Variants in FRMPD2 observed in about 807,000 individuals in gnomAD.
The protein encoded by FRMPD2 is FERM and PDZ domain containing 2, also known as FERM and PDZ domain-containing protein 2.
A neutral mutation model predicts 140.1 loss-of-function variants in FRMPD2; 96 were observed. The observed-to-expected ratio is 0.69, with a 90% CI of 0.58 to 0.81. The LOEUF is 0.81. Among genes scored for constraint, FRMPD2 ranks in the 40% least tolerant of loss-of-function variants. FRMPD2 has a pLI of 0.00. For synonymous variants in FRMPD2, 449 were observed against 547.6 expected, an observed-to-expected ratio of 0.82 and a Z score of 2.52; for missense variants, 1,240 against 1,447.4, an observed-to-expected ratio of 0.86 and a Z score of 2.32.
At chr10:48,259,245 G>A (rs1288919523) in intron 1 of FRMPD2, among the ~76,000 whole-genome samples, 2 of 152,136 alleles carry the variant, frequency 1.3e-5, no homozygotes, top group Non-Finnish European at 2.9e-5. Flanking sequence ...ATAAACTTCT[G>A]TGATTCACAC....
At chr10:48,263,168 T>A (rs902359152) in intron 1 of FRMPD2, among the ~76,000 whole-genome samples, 2 of 151,972 alleles carry the variant, frequency 1.3e-5, no homozygotes, top group Non-Finnish European at 2.9e-5. Flanking sequence ...ATGAAGGAAG[T>A]ACTTATACAG....
intron 12 of FRMPD2, among the ~76,000 whole-genome samples, chr10:48,213,759 A>T (rs1349995821): frequency 1.3e-5 from 2 of 152,222 alleles, no homozygotes; most frequent in Non-Finnish European, 2.9e-5. Context: ...TAACTATATG[A>T]TATTCTGGAA....
chr10:48,241,348 T>C (rs1205003839), intron 5 of FRMPD2, among the ~76,000 whole-genome samples: 1 of 152,232 alleles, frequency 6.6e-6, no homozygotes, highest in Admixed American at 6.5e-5. Flanking sequence ...TACCTGTCTC[T>C]GGTTCCTCCC....
intron 10 of FRMPD2, among the ~76,000 whole-genome samples, chr10:48,230,258 A>G (rs1409202443): frequency 6.6e-6 from 1 of 152,152 alleles, no homozygotes; most frequent in African/African-American, 2.4e-5. Context: ...ATCCATAAGC[A>G]TTCTTATTTT....
intron 1 of FRMPD2, among the ~76,000 whole-genome samples, chr10:48,253,364 A>C (rs1413637752): frequency 1.3e-5 from 2 of 152,228 alleles, no homozygotes; most frequent in Admixed American, 6.5e-5. Flanking sequence ...GGAAAATGGG[A>C]GAAAATATTT....
In FRMPD2 at chr10:48,240,398, G is replaced by C. The variant is rs759854013; in HGVS notation, c.662C>G (p.Pro221Arg). ...KRLRGTSSES[P>R]AAQAPECLHP... Reference sequence around the variant, plus strand: ...CAGACACTCCGGGGCCTGTGCCGCTGGGCTCTCGCTGCTTGTCCCACGCAG... The same window carrying C: ...CAGACACTCCGGGGCCTGTGCCGCTCGGCTCTCGCTGCTTGTCCCACGCAG... The change falls in exon 6 of 29, where the codon CCA (proline) becomes CGA (arginine). Residue 221 changes from proline (P) to arginine (R), a missense_variant. Physicochemically the swap from Pro to Arg is moderately radical, Grantham distance 103. Coordinates refer to ENST00000374201, the MANE Select transcript of FRMPD2 (RefSeq NM_001018071.4). 3.1e-6 allele frequency: 5 copies of C among 1,613,220 alleles called. No individual in the cohort carries two copies. The Admixed American group carries it at 8.3e-5, about 27-fold the overall frequency.
At position 48,270,717 on chromosome 10, in the gene FRMPD2, C is replaced by T. The variant is rs73298366; in HGVS notation, c.25+3826G>A. Among the ~76,000 whole-genome samples, 873 of 152,126 alleles carry T rather than the reference C, an allele frequency of 5.7e-3. 12 individuals carry two copies. The highest frequency in any genetic ancestry group is 0.018 in the African/African-American group (752 of 41,460). On this transcript the variant is annotated intron_variant, in intron 1 of 28. Transcript: ENST00000374201. The stretch of plus-strand genomic sequence containing the variant: ...ACCTTCCCCCCACCTCCTCCTCTTT[C>T]AACCTCTCTTATTTGAATACAGCAA...
intron 4 of FRMPD2, among the ~76,000 whole-genome samples, chr10:48,243,195 T>C (rs1840167390): frequency 1.3e-5 from 2 of 152,042 alleles, no homozygotes; most frequent in South Asian, 2.1e-4. Context: ...AGGAAAATAA[T>C]GGTGTGATGA....
chr10:48,238,989 C>T (rs1055614647), intron 7 of FRMPD2, among the ~76,000 whole-genome samples: 2 of 152,164 alleles, frequency 1.3e-5, no homozygotes, highest in Non-Finnish European at 2.9e-5. Flanking sequence ...TCCTCTCTCT[C>T]CTCTTTCTCT....
Position 48,239,640 on chromosome 10 carries a change from G to C in FRMPD2, c.753C>G (p.Thr251=), listed in dbSNP as rs551338963. ...GGAGGCTGCAGTGACTGTGTGTCAA[G>C]GTGCTCCAATGGGGCTCTGGTGAGC... ...TQSSPEPHWS[T]LTHSHCSLLV... is the part of the protein sequence containing the mutation. The change falls in exon 7 of 29, where the codon ACC becomes ACG. Residue 251 remains threonine (T), a synonymous_variant. Coordinates refer to ENST00000374201, the MANE Select transcript of FRMPD2 (RefSeq NM_001018071.4). 6.8e-6 allele frequency: 11 copies of C among 1,614,158 alleles called. No individual in the cohort carries two copies. In the African/African-American group the frequency reaches 1.3e-4, roughly 20 times the overall value.
intron 3 of FRMPD2, among the ~76,000 whole-genome samples, chr10:48,247,108 C>T (rs567928814): frequency 6.6e-6 from 1 of 152,354 alleles, no homozygotes; most frequent in South Asian, 2.1e-4. Context: ...CAGTTCTTAA[C>T]TCAACCTATT....
chr10:48,223,214 C>G lies in FRMPD2; in HGVS notation c.1225G>C (p.Gly409Arg). Residue 409 changes from glycine (G) to arginine (R), a missense_variant, in exon 11 of 29, where the codon GGC becomes CGC. By Grantham distance (125) the Gly-to-Arg change is moderately radical (BLOSUM62 -2). Around this residue, in one of 6 missense-constraint regions of FRMPD2, gnomAD observed 1,161 missense variants for 1,055.9 expected, o/e 1.10. Transcript: ENST00000374201. The stretch of plus-strand genomic sequence containing the variant: ...GTCTTCTGAGGCTGCTCTCTCCAGC[C>G]TTCAGGAGCTATTTTGCACAATCTG... ...ETRLCKIAPEGWREQPQKTSM... is the reference protein window; with the variant it reads ...ETRLCKIAPERWREQPQKTSM... The G allele has an allele frequency of 6.2e-7, 1 of 1,614,046 alleles. No individual in the cohort carries two copies. Among genetic ancestry groups the G allele is most frequent in the East Asian group, 2.2e-5 (1 of 44,874 alleles).
chr10:48,238,253 T>C (rs908125863), intron 7 of FRMPD2, 130 bp from the exon 8 acceptor site: 1 of 891,982 alleles, frequency 1.1e-6, no homozygotes, highest in Non-Finnish European at 1.7e-6. Flanking sequence ...CTCCCCCACC[T>C]ATGGGGGAGT....
At chr10:48,177,133 A>T (rs1469956577) in intron 22 of FRMPD2, among the ~76,000 whole-genome samples, 2 of 144,400 alleles carry the variant, frequency 1.4e-5, no homozygotes, top group Non-Finnish European at 3.0e-5. Context: ...TTTGAGACAG[A>T]GTCTCACTCT....
At chr10:48,191,887 C>T (rs551525992) in intron 16 of FRMPD2, among the ~76,000 whole-genome samples, 3 of 152,116 alleles carry the variant, frequency 2.0e-5, no homozygotes, top group African/African-American at 7.2e-5. Flanking sequence ...GGAAAGGTAG[C>T]GTGGTGTAGA....
At chr10:48,213,007 C>T (rs1013834786) in intron 12 of FRMPD2, among the ~76,000 whole-genome samples, 3 of 152,198 alleles carry the variant, frequency 2.0e-5, no homozygotes, top group African/African-American at 4.8e-5. Flanking sequence ...CCTGGGCAAG[C>T]CATTTCCCTC....
intron 3 of FRMPD2, among the ~76,000 whole-genome samples, chr10:48,247,460 C>T (rs2131960235): frequency 6.6e-6 from 1 of 152,342 alleles, no homozygotes. Flanking sequence ...ATGTGATATG[C>T]AGGGTCAAAA....
chr10:48,268,942 G>A (rs781418587), intron 1 of FRMPD2, among the ~76,000 whole-genome samples: 5 of 152,096 alleles, frequency 3.3e-5, no homozygotes, highest in Non-Finnish European at 7.4e-5. Context: ...CAACTTCTTT[G>A]CAACTTTTTA....
At chr10:48,269,900 T>C (rs1840738220) in intron 1 of FRMPD2, among the ~76,000 whole-genome samples, 1 of 152,198 alleles carries the variant, frequency 6.6e-6, no homozygotes, top group Non-Finnish European at 1.5e-5. Flanking sequence ...GAGAGGACTC[T>C]GGTCTCAAGC....
Sources: allele counts gnomAD v4.1 joint callset (sites outside exome capture counted in the v4.1 genomes callset), GRCh38; gene constraint gnomAD v4.1.1; regional missense constraint gnomAD v4.1.1; transcripts MANE v1.5; gene names NCBI Gene and HGNC (gene_info 2026-07-23, HGNC 2026-07-21).